TAFA4: variants seen among roughly 807,000 people sequenced by gnomAD.
The protein encoded by TAFA4 is chemokine-like protein TAFA-4.
A neutral mutation model predicts 21.1 loss-of-function variants in TAFA4; 20 were observed. That is an observed-to-expected ratio of 0.95 (90% CI 0.67 to 1.38). TAFA4 has a LOEUF of 1.38. TAFA4 is among the 40% of genes most tolerant of loss of function. The pLI is 0.00. For synonymous variants in TAFA4, 71 were observed against 67.4 expected, an observed-to-expected ratio of 1.05 and a Z score of -0.26; for missense variants, 211 against 180.9, an observed-to-expected ratio of 1.17 and a Z score of -0.95.
chr3:68,753,060 G>T (rs779978104), intron 3 of TAFA4, 42 bp from the exon 4 acceptor site: 91 of 1,588,884 alleles, frequency 5.7e-5, no homozygotes, highest in Non-Finnish European at 7.7e-5. Context: ...AGTGCTGTTA[G>T]AAGGAAATGA....
At chr3:68,836,144 C>T (rs1383938921) in intron 3 of TAFA4, among the ~76,000 whole-genome samples, 4 of 152,162 alleles carry the variant, frequency 2.6e-5, no homozygotes, top group African/African-American at 9.7e-5. Context: ...GCTTCGGGCC[C>T]CTTATGTTTT....
chr3:68,879,182 G>A (rs984187142), intron 3 of TAFA4, among the ~76,000 whole-genome samples: 2 of 152,188 alleles, frequency 1.3e-5, no homozygotes, highest in Non-Finnish European at 2.9e-5. Flanking sequence ...AGACACAGCC[G>A]TTTGCAGATA....
At chr3:68,787,870 C>T (rs777087209) in intron 3 of TAFA4, among the ~76,000 whole-genome samples, 12 of 152,152 alleles carry the variant, frequency 7.9e-5, no homozygotes, top group Non-Finnish European at 1.2e-4. Flanking sequence ...ACTTGTAACC[C>T]GATTCCAACC....
At chr3:68,788,344 G>T (rs1203397163) in intron 3 of TAFA4, among the ~76,000 whole-genome samples, 2 of 152,142 alleles carry the variant, frequency 1.3e-5, no homozygotes, top group South Asian at 2.1e-4. Flanking sequence ...TCTTACCCCA[G>T]ATATCATCGG....
chr3:68,783,706 AG>A (rs1212533095), intron 3 of TAFA4, among the ~76,000 whole-genome samples: 19 of 86,164 alleles, frequency 2.2e-4, no homozygotes, highest in Middle Eastern at 5.4e-3. Flanking sequence ...AGAGAGAGAG[AG>A]AAAGAAAAAG....
chr3:68,858,901 A>G (rs1164655105), intron 3 of TAFA4, among the ~76,000 whole-genome samples: 1 of 152,002 alleles, frequency 6.6e-6, no homozygotes, highest in Non-Finnish European at 1.5e-5. Flanking sequence ...AAGTTCTCAA[A>G]TTCACTTGCA....
At chr3:68,878,059 C>A (rs116044586) in intron 3 of TAFA4, among the ~76,000 whole-genome samples, 143 of 152,284 alleles carry the variant, frequency 9.4e-4, no homozygotes, top group African/African-American at 3.3e-3. Flanking sequence ...TGACTTTAGA[C>A]CCCCCAACAT....
At chr3:68,779,191 T>C (rs1703105038) in intron 3 of TAFA4, among the ~76,000 whole-genome samples, 1 of 152,090 alleles carries the variant, frequency 6.6e-6, no homozygotes, top group Non-Finnish European at 1.5e-5. Context: ...CTGGAAGAAA[T>C]TTCTAAGAAG....
intron 3 of TAFA4, among the ~76,000 whole-genome samples, chr3:68,864,174 G>A (rs2089387461): frequency 6.6e-6 from 1 of 152,004 alleles, no homozygotes; most frequent in Non-Finnish European, 1.5e-5. Flanking sequence ...GCCACATACT[G>A]GGAGAAAATA....
intron 1 of TAFA4, among the ~76,000 whole-genome samples, chr3:68,910,097 C>A (rs1053993146): frequency 5.3e-5 from 8 of 152,232 alleles, no homozygotes; most frequent in Non-Finnish European, 2.9e-5. Flanking sequence ...ACATTCACTT[C>A]TTCAAGCCAT....
At chr3:68,899,662 G>T (rs2089825199) in intron 1 of TAFA4, among the ~76,000 whole-genome samples, 1 of 152,078 alleles carries the variant, frequency 6.6e-6, no homozygotes, top group Non-Finnish European at 1.5e-5. Context: ...CATCCTGGCA[G>T]CAAGTATACC....
At chr3:68,890,557 G>A (rs554546684) in intron 1 of TAFA4, among the ~76,000 whole-genome samples, 12 of 152,158 alleles carry the variant, frequency 7.9e-5, no homozygotes, top group African/African-American at 2.9e-4. Context: ...GCACTTGTTA[G>A]TCATTTTAAA....
intron 3 of TAFA4, among the ~76,000 whole-genome samples, chr3:68,821,947 G>A (rs1704121345): frequency 6.6e-6 from 1 of 152,204 alleles, no homozygotes; most frequent in South Asian, 2.1e-4. Flanking sequence ...CGGTAATTCT[G>A]CAATGGAAAC....
At chr3:68,758,959 G>T (rs1702710638) in intron 3 of TAFA4, among the ~76,000 whole-genome samples, 1 of 152,236 alleles carries the variant, frequency 6.6e-6, no homozygotes. Context: ...AAGATCTGCA[G>T]TCTGCAAGAT....
At chr3:68,812,394 G>A (rs1023046695) in intron 3 of TAFA4, among the ~76,000 whole-genome samples, 3 of 152,172 alleles carry the variant, frequency 2.0e-5, no homozygotes, top group Admixed American at 6.5e-5. Context: ...TGGATCAAGA[G>A]TCAAGACCCA....
chr3:68,818,722 C>T (rs1457778632), intron 3 of TAFA4, among the ~76,000 whole-genome samples: 1 of 152,104 alleles, frequency 6.6e-6, no homozygotes, highest in Non-Finnish European at 1.5e-5. Flanking sequence ...AGAAAACACA[C>T]AATACTCATC....
At chr3:68,740,006 G>A (rs1239534201) in intron 4 of TAFA4, among the ~76,000 whole-genome samples, 4 of 152,146 alleles carry the variant, frequency 2.6e-5, no homozygotes. Context: ...CTTTTGCAGT[G>A]GACTGCCCAA....
At chr3:68,856,235 G>A (rs955694691) in intron 3 of TAFA4, among the ~76,000 whole-genome samples, 8 of 152,156 alleles carry the variant, frequency 5.3e-5, no homozygotes, top group African/African-American at 1.9e-4. Flanking sequence ...GAGAAAACTA[G>A]GTAGGAGCAT....
chr3:68,743,492 C>T (rs183135379), intron 4 of TAFA4, among the ~76,000 whole-genome samples: 123 of 150,894 alleles, frequency 8.2e-4, no homozygotes, highest in Middle Eastern at 3.5e-3. Context: ...AGAAGAATCA[C>T]TTGAGCCCGG....
Sources: gnomAD v4.1 joint callset for allele counts (sites outside exome capture counted in the v4.1 genomes callset) on GRCh38, gnomAD v4.1.1 for gene constraint, MANE v1.5 for transcripts, NCBI Gene and HGNC (gene_info 2026-07-23, HGNC 2026-07-21) for gene names.